The following PRKCH variants were observed in gnomAD, a reference collection of about 807,000 sequenced individuals.
PRKCH encodes the protein protein kinase C eta.
PRKCH carries 28 observed loss-of-function variants against 82.5 expected under a neutral mutation model. The ratio of observed to expected loss-of-function variants is 0.34; its 90% CI spans 0.25 to 0.47. PRKCH has a LOEUF of 0.47. Ranked by LOEUF, PRKCH falls within the 20% of genes least tolerant of loss-of-function variation. PRKCH has a pLI of 1.00. For missense variants in PRKCH, 705 were observed against 881.8 expected (o/e 0.80, Z 2.54); for synonymous variants, 322 against 327.4 (o/e 0.98, Z 0.18).
At chr14:61,406,987 C>T (rs377392823) in intron 2 of PRKCH, among the ~76,000 whole-genome samples, 2 of 151,990 alleles carry the variant, frequency 1.3e-5, no homozygotes, top group East Asian at 1.9e-4. Flanking sequence ...GCATCCACTA[C>T]AAGATCTCAC....
chr14:61,287,310 T>G (rs1206758092), intron 1 of PRKCH, among the ~76,000 whole-genome samples: 3 of 150,056 alleles, frequency 2.0e-5, no homozygotes, highest in Non-Finnish European at 4.4e-5. Context: ...CTTGGTGAGT[T>G]GGCAGGAGAG....
At chr14:61,451,386 G>A (rs1884502572) in intron 6 of PRKCH, among the ~76,000 whole-genome samples, 1 of 152,168 alleles carries the variant, frequency 6.6e-6, no homozygotes, top group Non-Finnish European at 1.5e-5. Context: ...AGGTGAGATG[G>A]CCAAATGAGA....
At chr14:61,201,468 G>C (rs758162081) in intron 1 of PRKCH, among the ~76,000 whole-genome samples, 5 of 151,910 alleles carry the variant, frequency 3.3e-5, no homozygotes, top group African/African-American at 1.2e-4. Flanking sequence ...TATTATAAAC[G>C]CTTTTTTGAT....
At chr14:61,239,664 A>T (rs558241765) in intron 1 of PRKCH, among the ~76,000 whole-genome samples, 1 of 152,192 alleles carries the variant, frequency 6.6e-6, no homozygotes, top group Non-Finnish European at 1.5e-5. Context: ...AATCTTTCAG[A>T]TACCAGTCTA....
At chr14:61,442,978 G>T in intron 2 of PRKCH, 133 bp from the exon 3 acceptor site, 1 of 833,390 alleles carries the variant, frequency 1.2e-6, no homozygotes, top group Non-Finnish European at 1.8e-6. Context: ...TGATTTTAGG[G>T]GGGATGGTTT....
intron 9 of PRKCH, among the ~76,000 whole-genome samples, chr14:61,478,742 C>T (rs1468663538): frequency 1.3e-5 from 2 of 151,956 alleles, no homozygotes; most frequent in African/African-American, 2.4e-5. Flanking sequence ...AACCTGTGGT[C>T]CCAGCCGCAC....
rs561106889 is a variant in PRKCH at position 61,470,259 on chromosome 14, G to A, written c.1278+12580G>A. ...TCTGGGTCACTATTATAGGGGTTGG[G>A]AGGTTTAAAGCAAGAGGCAGAATGG... On this transcript the variant is annotated intron_variant, in intron 9 of 13. Transcript: ENST00000332981. Among the ~76,000 whole-genome samples, 10 of 152,086 alleles carry A rather than the reference G, an allele frequency of 6.6e-5. No individual in the cohort carries two copies. The South Asian group carries it at 1.9e-3, about 28-fold the overall frequency.
chr14:61,224,208 AT>A (rs1216481482), intron 1 of PRKCH, among the ~76,000 whole-genome samples: 2 of 152,070 alleles, frequency 1.3e-5, no homozygotes, highest in Non-Finnish European at 2.9e-5. Context: ...CTGTTTTTTA[AT>A]AAAATTTTTT....
At chr14:61,308,735 C>T (rs1210670796) in intron 1 of PRKCH, among the ~76,000 whole-genome samples, 1 of 152,056 alleles carries the variant, frequency 6.6e-6, no homozygotes, top group Non-Finnish European at 1.5e-5. Context: ...CTCAAGTGAT[C>T]CTCCCACCTC....
chr14:61,455,684 A>G (rs990752071), intron 7 of PRKCH, among the ~76,000 whole-genome samples: 3 of 152,272 alleles, frequency 2.0e-5, no homozygotes, highest in African/African-American at 7.2e-5. Context: ...CACGATCTTT[A>G]GGAATGGACA....
Position 61,450,877 on chromosome 14 carries a change from C to T in PRKCH, c.738C>T (p.His246=). The T allele has an allele frequency of 6.2e-7, 1 of 1,613,984 alleles. No individual in the cohort carries two copies. The highest frequency in any genetic ancestry group is 8.5e-7 in the Non-Finnish European group (1 of 1,179,930). The change falls in exon 6 of 14, where the codon CAC becomes CAT. Residue 246 remains histidine, a synonymous_variant. Coordinates refer to ENST00000332981, the MANE Select transcript of PRKCH (RefSeq NM_006255.5). ...AGAGGTTCGGGATCAACATCCCACA[C>T]AAGTTCAGCATCCACAACTACAAAG... ...AEQRFGINIP[H]KFSIHNYKVP...
chr14:61,475,750 C>T (rs1885702574), intron 9 of PRKCH, among the ~76,000 whole-genome samples: 1 of 151,952 alleles, frequency 6.6e-6, no homozygotes, highest in Non-Finnish European at 1.5e-5. Flanking sequence ...TTACTTTTTC[C>T]TTTCTGTTTT....
chr14:61,189,632 T>G (rs2044394839), intron 1 of PRKCH, among the ~76,000 whole-genome samples: 1 of 151,610 alleles, frequency 6.6e-6, no homozygotes, highest in African/African-American at 2.4e-5. Context: ...CCTCCCTTTC[T>G]CTCTGTCTTC....
intron 9 of PRKCH, among the ~76,000 whole-genome samples, chr14:61,466,164 A>G (rs1188853541): frequency 4.6e-5 from 7 of 152,178 alleles, no homozygotes; most frequent in Admixed American, 4.6e-4. Flanking sequence ...GGACTGGATT[A>G]AGGTAGTGGA....
chr14:61,334,148 T>C (rs1182650441), intron 1 of PRKCH, among the ~76,000 whole-genome samples: 1 of 152,110 alleles, frequency 6.6e-6, no homozygotes, highest in Non-Finnish European at 1.5e-5. Context: ...CACCTCAGTG[T>C]GTGGTGGAGG....
intron 1 of PRKCH, among the ~76,000 whole-genome samples, chr14:61,382,654 C>G (rs1311876196): frequency 1.3e-5 from 2 of 152,136 alleles, no homozygotes; most frequent in African/African-American, 4.8e-5. Context: ...TAGAAAAGAG[C>G]CATCCAGCCA....
Position 61,263,645 on chromosome 14 carries a change from C to A in PRKCH, c.-19+75977C>A, listed in dbSNP as rs141902867. 1.9e-3 allele frequency among the ~76,000 whole-genome samples: 292 copies of A among 152,236 alleles called. 1 individual carries two copies. Among genetic ancestry groups the A allele is most frequent in the Non-Finnish European group, 3.0e-3 (207 of 68,020 alleles). On this transcript the variant is annotated intron_variant, in intron 1 of 3. Transcript: ENST00000555185. ...TACCTATTTGTATCCATATCCATTG[C>A]TGTACATATTTATATATAAGCATAA... is the stretch of plus-strand genomic sequence containing the variant.
chr14:61,316,548 A>T (rs567007820), intron 1 of PRKCH, among the ~76,000 whole-genome samples: 69 of 152,344 alleles, frequency 4.5e-4, no homozygotes, highest in Non-Finnish European at 7.5e-4. Flanking sequence ...ATATTGTATC[A>T]CATACAATCC....
chr14:61,357,900 C>T (rs897711197), intron 1 of PRKCH, among the ~76,000 whole-genome samples: 2 of 152,138 alleles, frequency 1.3e-5, no homozygotes, highest in African/African-American at 4.8e-5. Flanking sequence ...GGTTTTCACT[C>T]TCTGTGTGCC....
Sources: gnomAD v4.1 joint callset for allele counts (sites outside exome capture counted in the v4.1 genomes callset) on GRCh38, gnomAD v4.1.1 for gene constraint, MANE v1.5 for transcripts, NCBI Gene and HGNC (gene_info 2026-07-23, HGNC 2026-07-21) for gene names.